XRRA1: variants seen among roughly 807,000 people sequenced by gnomAD.
XRRA1 encodes X-ray radiation resistance-associated protein 1.
XRRA1 carries 69 observed loss-of-function variants against 80.2 expected under a neutral mutation model. That is an observed-to-expected ratio of 0.86 (90% CI 0.71 to 1.05). The LOEUF (loss-of-function observed/expected upper bound fraction) is 1.05. Ranked by LOEUF, XRRA1 falls within the 50% of genes least tolerant of loss-of-function variation. The pLI is 0.00. For synonymous variants in XRRA1, 348 were observed against 389.9 expected, an observed-to-expected ratio of 0.89 and a Z score of 1.27; for missense variants, 967 against 976.4, an observed-to-expected ratio of 0.99 and a Z score of 0.13.
intron 1 of XRRA1, among the ~76,000 whole-genome samples, chr11:74,947,582 T>G (rs1450015671): frequency 6.6e-6 from 1 of 152,070 alleles, no homozygotes; most frequent in Non-Finnish European, 1.5e-5. Context: ...CAATGCTGTA[T>G]CATCTCACTT....
intron 10 of XRRA1, among the ~76,000 whole-genome samples, chr11:74,867,447 C>A (rs932715917): frequency 6.6e-6 from 1 of 152,116 alleles, no homozygotes; most frequent in Non-Finnish European, 1.5e-5. Context: ...GCAATGTTAA[C>A]AGCAGAATCA....
intron 12 of XRRA1, among the ~76,000 whole-genome samples, chr11:74,858,699 C>G (rs2041678755): frequency 6.6e-6 from 1 of 152,204 alleles, no homozygotes; most frequent in Non-Finnish European, 1.5e-5. Context: ...CTCACTGATT[C>G]AGATCTCAGC....
At chr11:74,857,286 G>C (rs999404460) in intron 12 of XRRA1, among the ~76,000 whole-genome samples, 5 of 152,066 alleles carry the variant, frequency 3.3e-5, no homozygotes, top group Admixed American at 3.3e-4. Context: ...TAAATAGGTT[G>C]CAAGTAAATG....
At chr11:74,885,026 G>A (rs1377071152) in intron 10 of XRRA1, among the ~76,000 whole-genome samples, 1 of 152,208 alleles carries the variant, frequency 6.6e-6, no homozygotes, top group Non-Finnish European at 1.5e-5. Context: ...CAATTTGGGA[G>A]GCTGAGGTGG....
At chr11:74,853,397 C>T (rs1426432519) in intron 12 of XRRA1, among the ~76,000 whole-genome samples, 1 of 152,230 alleles carries the variant, frequency 6.6e-6, no homozygotes, top group Non-Finnish European at 1.5e-5. Flanking sequence ...CATGTGGTCA[C>T]ATGACCCAGT....
At chr11:74,913,777 A>G (rs1477192222) in intron 8 of XRRA1, 2 of 152,176 alleles carry the variant, frequency 1.3e-5, no homozygotes, top group African/African-American at 4.8e-5. Context: ...GTGTTACAGG[A>G]TGGAGGTAAG....
intron 8 of XRRA1, among the ~76,000 whole-genome samples, chr11:74,917,856 C>A (rs1939234779): frequency 6.6e-6 from 1 of 152,070 alleles, no homozygotes; most frequent in Non-Finnish European, 1.5e-5. Flanking sequence ...AGATTGCTAC[C>A]AGCCACTTGC....
rs765449278 is a variant in XRRA1, at chr11:74,933,821, T to C, written c.331A>G (p.Ser111Gly). 3.1e-6 allele frequency: 5 copies of C among 1,599,616 alleles called. No individual in the cohort carries two copies. Among genetic ancestry groups the C allele is most frequent in the Non-Finnish European group, 3.4e-6 (4 of 1,172,822 alleles). Residue 111 changes from serine (S) to glycine (G), a missense_variant, in exon 5 of 19, where the codon AGT (serine) becomes GGT (glycine). By Grantham distance (56) the Ser-to-Gly change is moderately conservative. Transcript: ENST00000684022. The stretch of plus-strand genomic sequence containing the variant: ...CTCACCTTGGAGAACTTCAGGCCAC[T>C]CACATTAATGGTGCACAGATCTGAT... ...KPSDLCTINV[S>G]GLKFSKAKEN...
At position 74,843,419 on chromosome 11, in the gene XRRA1, C is replaced by T. The variant is rs2036942261; in HGVS notation, c.2184G>A (p.Leu728=). The change falls in exon 19 of 19, where the codon CTG becomes CTA. Residue 728 remains leucine, a synonymous_variant. Transcript: ENST00000684022. ...AVLHQWTERR[L]VNHKQYLEAK... is the part of the protein sequence containing the mutation. ...CCTCCAGGTACTGCTTGTGGTTCAC[C>T]AGCCGCCGTTCTGTCCACTGGTGCA... The T allele has an allele frequency of 1.9e-6, 3 of 1,611,944 alleles. No individual in the cohort carries two copies. The highest frequency in any genetic ancestry group is 1.7e-5 in the Admixed American group (1 of 59,744).
intron 10 of XRRA1, among the ~76,000 whole-genome samples, chr11:74,882,100 T>C (rs1482266806): frequency 1.3e-5 from 2 of 151,826 alleles, no homozygotes; most frequent in Non-Finnish European, 2.9e-5. Context: ...TCCTGCAGAG[T>C]GTTTTCCAAC....
chr11:74,907,013 T>C, intron 9 of XRRA1, 132 bp downstream of exon 9: 1 of 1,272,350 alleles, frequency 7.9e-7, no homozygotes, highest in Non-Finnish European at 1.1e-6. Context: ...GACTTACCCA[T>C]GGCCACACAG....
At chr11:74,948,354 A>C (rs1378142374) in intron 1 of XRRA1, among the ~76,000 whole-genome samples, 1 of 151,390 alleles carries the variant, frequency 6.6e-6, no homozygotes, top group Non-Finnish European at 1.5e-5. Context: ...AATACAACGT[A>C]ATAGAGCATG....
chr11:74,892,664 A>G (rs1252268078), intron 10 of XRRA1, among the ~76,000 whole-genome samples: 1 of 152,200 alleles, frequency 6.6e-6, no homozygotes, highest in Non-Finnish European at 1.5e-5. Context: ...CATCTGACAA[A>G]GGGCTAATAT....
chr11:74,911,963 C>A (rs2056012451), intron 8 of XRRA1, among the ~76,000 whole-genome samples: 1 of 152,124 alleles, frequency 6.6e-6, no homozygotes, highest in African/African-American at 2.4e-5. Context: ...AAGGGATACA[C>A]CCTCAGGGTG....
intron 7 of XRRA1, among the ~76,000 whole-genome samples, 192 bp downstream of exon 7, chr11:74,927,199 A>C (rs565562240): frequency 5.0e-4 from 76 of 152,160 alleles, no homozygotes; most frequent in African/African-American, 1.8e-3. Flanking sequence ...TTCTACCATT[A>C]CCACTATCTC....
At chr11:74,907,965 C>A (rs2138245519) in intron 8 of XRRA1, among the ~76,000 whole-genome samples, 1 of 152,262 alleles carries the variant, frequency 6.6e-6, no homozygotes, top group Middle Eastern at 3.4e-3. Context: ...TTAATGTGAC[C>A]TCACTTGTGT....
intron 10 of XRRA1, among the ~76,000 whole-genome samples, chr11:74,887,185 T>C (rs1005063227): frequency 2.0e-5 from 3 of 152,192 alleles, no homozygotes; most frequent in Admixed American, 2.0e-4. Flanking sequence ...CAAAGATGCC[T>C]AAAGCAAATG....
intron 10 of XRRA1, among the ~76,000 whole-genome samples, chr11:74,900,191 A>C (rs559595643): frequency 1.3e-5 from 2 of 152,078 alleles, no homozygotes; most frequent in East Asian, 3.9e-4. Context: ...ATAAATAAAT[A>C]AAATAATAAT....
intron 15 of XRRA1, 98 bp from the exon 16 acceptor site, chr11:74,845,369 C>G (rs1349713525): frequency 7.8e-7 from 1 of 1,286,916 alleles, no homozygotes; most frequent in East Asian, 2.5e-5. Context: ...CTGCTGGGCC[C>G]TGTTAAGGGC....
Sources: gnomAD v4.1 joint callset for allele counts (sites outside exome capture counted in the v4.1 genomes callset) on GRCh38, gnomAD v4.1.1 for gene constraint, MANE v1.5 for transcripts, NCBI Gene and HGNC (gene_info 2026-07-23, HGNC 2026-07-21) for gene names.